The following ALG9 variants were observed in gnomAD, a reference collection of about 807,000 sequenced individuals.
ALG9 encodes the protein alpha-1,2-mannosyltransferase ALG9.
A neutral mutation model predicts 81.8 loss-of-function variants in ALG9; 55 were observed. The ratio of observed to expected loss-of-function variants is 0.67; its 90% CI spans 0.54 to 0.84. The LOEUF (loss-of-function observed/expected upper bound fraction) is 0.84. Ranked by LOEUF, ALG9 falls within the 40% of genes least tolerant of loss-of-function variation. ALG9 has a pLI of 0.00. For synonymous variants in ALG9, 278 were observed against 274.3 expected, an observed-to-expected ratio of 1.01 and a Z score of -0.13; for missense variants, 629 against 745.0, an observed-to-expected ratio of 0.84 and a Z score of 1.81.
chr11:111,769,474 T>A, the ALG9 span: 1 of 139,882 alleles, frequency 7.1e-6, no homozygotes, highest in Non-Finnish European at 1.5e-5. Flanking sequence ...ACACAAAAAT[T>A]AGCTGGGCCT....
intron 13 of ALG9, among the ~76,000 whole-genome samples, chr11:111,818,973 A>C (rs1366629974): frequency 6.6e-6 from 1 of 152,230 alleles, no homozygotes; most frequent in African/African-American, 2.4e-5. Context: ...AAGTGGAAGC[A>C]GCCAAGGATG....
chr11:111,870,442 T>TCTAG lies in ALG9; in HGVS notation c.132-76_132-73dup, dbSNP rs1434918595. Reference sequence around the variant, plus strand: ...GGACCTGCTAATCAGAAGACCTAAATCTAGATAGAAAGGACAAAAAGGGCA... The same window carrying TCTAG: ...GGACCTGCTAATCAGAAGACCTAAATCTAGCTAGATAGAAAGGACAAAAAGGGCA... On this transcript the variant is annotated intron_variant, in intron 1 of 14. Coordinates refer to ENST00000616540, the MANE Select transcript of ALG9 (RefSeq NM_024740.2). 2.1e-6 allele frequency: 3 copies of TCTAG among 1,449,964 alleles called. No individual in the cohort carries two copies. In the African/African-American group the frequency reaches 4.9e-5, roughly 24 times the overall value. 89.8% of individuals were successfully genotyped at this position (1,449,964 alleles called of 1,614,324 possible).
At chr11:111,809,539 C>CACAG (rs55919427) in intron 14 of ALG9, 104 bp downstream of exon 14, 1 of 1,378,984 alleles carries the variant, frequency 7.3e-7, no homozygotes, top group Non-Finnish European at 1.0e-6. Context: ...CACACACACA[C>CACAG]GATGGCTACT....
At chr11:111,852,138 C>T (rs569789940) in intron 8 of ALG9, among the ~76,000 whole-genome samples, 77 of 152,282 alleles carry the variant, frequency 5.1e-4, no homozygotes, top group African/African-American at 1.8e-3. Flanking sequence ...AGTGACAAGA[C>T]TTAAATTGAC....
chr11:111,803,345 TACA>T (rs1949419292), intron 14 of ALG9, among the ~76,000 whole-genome samples: 1 of 151,664 alleles, frequency 6.6e-6, no homozygotes, highest in South Asian at 2.1e-4. Flanking sequence ...CCACTAAAAA[TACA>T]ACAATAGCCA....
chr11:111,869,988 T>G (rs934189570), intron 2 of ALG9, among the ~76,000 whole-genome samples: 1 of 152,078 alleles, frequency 6.6e-6, no homozygotes, highest in Admixed American at 6.5e-5. Flanking sequence ...ATTTTTGTAT[T>G]TTTAGTAGAG....
chr11:111,837,448 G>T lies in ALG9; in HGVS notation c.1472+20C>A. On this transcript the variant is annotated intron_variant, in intron 12 of 14. Coordinates refer to ENST00000616540, the MANE Select transcript of ALG9 (RefSeq NM_024740.2). ...ATTTACTCCTTCATTTAAAACCCTA[G>T]GAATTAAAGGACAACTTACTTGTCA... The T allele has an allele frequency of 6.2e-7, 1 of 1,613,528 alleles. No individual in the cohort carries two copies. Among genetic ancestry groups the T allele is most frequent in the Non-Finnish European group, 8.5e-7 (1 of 1,179,946 alleles).
the ALG9 span, among the ~76,000 whole-genome samples, chr11:111,770,020 T>C: frequency 6.6e-6 from 1 of 152,102 alleles, no homozygotes; most frequent in South Asian, 2.1e-4. Context: ...TAACCACCTC[T>C]TGTTCCTGCT....
Position 111,849,057 on chromosome 11 carries a change from CTTTT to C in ALG9, c.895+4319_895+4322del, listed in dbSNP as rs555592218. 5.4e-4 allele frequency among the ~76,000 whole-genome samples: 71 copies of C among 131,462 alleles called. 1 individual carries two copies. The East Asian group carries it at 6.5e-3, about 12-fold the overall frequency. The allele number at this position is 131,462 out of a possible 152,430, so 86.2% of individuals were successfully genotyped here. The stretch of plus-strand genomic sequence containing the variant: ...TCAATGTTTCTTTCTTTCTTTCTTT[CTTTT>C]TTTTTTTGAGACAGGGTCTCCCTCT... On this transcript the variant is annotated intron_variant, in intron 8 of 14. Transcript: ENST00000616540.
At chr11:111,809,551 G>T in intron 14 of ALG9, 92 bp downstream of exon 14, 1 of 1,462,222 alleles carries the variant, frequency 6.8e-7, no homozygotes. Context: ...ATGGCTACTA[G>T]AGTCAACCCA....
At chr11:111,843,324 C>T (rs565816282) in intron 9 of ALG9, among the ~76,000 whole-genome samples, 6 of 152,232 alleles carry the variant, frequency 3.9e-5, no homozygotes, top group Middle Eastern at 3.4e-3. Context: ...AAATTCAGTA[C>T]GTGACCCTTG....
chr11:111,813,634 A>G (rs1024502337), intron 13 of ALG9, among the ~76,000 whole-genome samples: 2 of 152,226 alleles, frequency 1.3e-5, no homozygotes, highest in Non-Finnish European at 2.9e-5. Flanking sequence ...TATCTAGAAT[A>G]TATATAACTT....
intron 8 of ALG9, among the ~76,000 whole-genome samples, chr11:111,850,342 C>T (rs1334847057): frequency 2.0e-5 from 3 of 152,066 alleles, no homozygotes; most frequent in African/African-American, 7.2e-5. Flanking sequence ...CAAGGAATTC[C>T]TACTCCTAAG....
chr11:111,812,448 T>G (rs1332748687), intron 13 of ALG9, among the ~76,000 whole-genome samples: 1 of 152,152 alleles, frequency 6.6e-6, no homozygotes, highest in Non-Finnish European at 1.5e-5. Context: ...GTACCAATAG[T>G]CCTAGCTACT....
In ALG9 at chr11:111,871,400, C is replaced by T. The variant is rs537499067; in HGVS notation, c.83G>A (p.Arg28Gln). The T allele has an allele frequency of 3.3e-6, 5 of 1,535,056 alleles. No homozygotes were observed. In the East Asian group the frequency reaches 1.2e-4, roughly 38 times the overall value. Residue 28 changes from arginine (R) to glutamine (Q), a missense_variant, in exon 1 of 15, where the codon CGG becomes CAG. Arg to Gln is a conservative substitution (Grantham distance 43). Around this residue, in one of 3 missense-constraint regions of ALG9, gnomAD observed 344 missense variants for 390.5 expected, o/e 0.88. Coordinates refer to ENST00000616540, the MANE Select transcript of ALG9 (RefSeq NM_024740.2). ...GDTAPAADKLRELLGSREAGG... is the reference protein window; with the variant it reads ...GDTAPAADKLQELLGSREAGG... The stretch of plus-strand genomic sequence containing the variant: ...CGCCTCTCGGCTGCCCAGCAGCTCC[C>T]GCAGCTTGTCCGCAGCCGGGGCCGT...
intron 13 of ALG9, among the ~76,000 whole-genome samples, chr11:111,815,941 T>C (rs575021480): frequency 1.3e-5 from 2 of 152,314 alleles, no homozygotes; most frequent in South Asian, 4.1e-4. Context: ...TTAGTGTCTA[T>C]TATCAATTCA....
At chr11:111,778,848 CTT>C (rs1289842018), downstream of ALG9, among the ~76,000 whole-genome samples, 2 of 148,226 alleles carry the variant, frequency 1.3e-5, no homozygotes, top group Non-Finnish European at 3.0e-5. Flanking sequence ...GAGTTTCGCT[CTT>C]GTTGCCCAGG....
intron 14 of ALG9, among the ~76,000 whole-genome samples, chr11:111,808,195 A>AGAGTGTGGC (rs1473363570): frequency 6.6e-6 from 1 of 152,224 alleles, no homozygotes; most frequent in Non-Finnish European, 1.5e-5. Flanking sequence ...TTACAAGATG[A>AGAGTGTGGC]GAGTGTGGCT....
chr11:111,871,410 C>T lies in ALG9; in HGVS notation c.73G>A (p.Asp25Asn), dbSNP rs1555158893. The T allele has an allele frequency of 1.3e-6, 2 of 1,535,414 alleles. No individual in the cohort carries two copies. Among genetic ancestry groups the T allele is most frequent in the African/African-American group, 1.4e-5 (1 of 72,986 alleles). Reference sequence around the variant, plus strand: ...CTGCCCAGCAGCTCCCGCAGCTTGTCCGCAGCCGGGGCCGTATCCCCACTG... The same window carrying T: ...CTGCCCAGCAGCTCCCGCAGCTTGTTCGCAGCCGGGGCCGTATCCCCACTG... ...ASSGDTAPAA[D>N]KLRELLGSRE... Residue 25 changes from aspartate to asparagine, a missense_variant, in exon 1 of 15, where the codon GAC becomes AAC. Asp to Asn is a conservative substitution (Grantham distance 23, BLOSUM62 1). Transcript: ENST00000616540.
Sources: gnomAD v4.1 joint callset for allele counts (sites outside exome capture counted in the v4.1 genomes callset) on GRCh38, gnomAD v4.1.1 for gene constraint, gnomAD v4.1.1 regional missense constraint, MANE v1.5 for transcripts, NCBI Gene and HGNC (gene_info 2026-07-23, HGNC 2026-07-21) for gene names.